SPECC1L: variants seen among roughly 807,000 people sequenced by gnomAD.
The protein encoded by SPECC1L is sperm antigen with calponin homology and coiled-coil domains 1 like, also known as cytospin-A.
SPECC1L carries 40 observed loss-of-function variants against 116.8 expected under a neutral mutation model. That is an observed-to-expected ratio of 0.34 (90% CI 0.27 to 0.45). SPECC1L has a LOEUF of 0.45. SPECC1L is among the 20% of genes least tolerant of loss of function. SPECC1L has a pLI of 1.00. For missense variants in SPECC1L, 1,110 were observed against 1,373.6 expected (o/e 0.81, Z 3.03); for synonymous variants, 504 against 500.6 (o/e 1.01, Z -0.09).
intron 13 of SPECC1L, among the ~76,000 whole-genome samples, chr22:24,367,858 G>T (rs2041801559): frequency 6.6e-6 from 1 of 152,154 alleles, no homozygotes; most frequent in African/African-American, 2.4e-5. Flanking sequence ...CACAGAACAT[G>T]GGACTAGAGT....
intron 2 of SPECC1L, among the ~76,000 whole-genome samples, chr22:24,295,621 GTAGT>G (rs1158068774): frequency 1.3e-5 from 2 of 152,056 alleles, no homozygotes; most frequent in African/African-American, 4.8e-5. Flanking sequence ...AAATAACATG[GTAGT>G]TAGTCCCTTC....
At chr22:24,382,784 G>T (rs1205403814) in intron 14 of SPECC1L, among the ~76,000 whole-genome samples, 1 of 151,884 alleles carries the variant, frequency 6.6e-6, no homozygotes, top group African/African-American at 2.4e-5. Context: ...TACTCAGGAG[G>T]CTGAGGCAGG....
rs577826915 is a variant in SPECC1L at position 24,305,398 on chromosome 22, C to G, written c.153+3014C>G. 2.6e-5 allele frequency among the ~76,000 whole-genome samples: 4 copies of G among 152,258 alleles called. No homozygotes were observed. In the South Asian group the frequency reaches 6.2e-4, roughly 24 times the overall value. ...TTCTAGCACCAGAGATGATTTTTGC[C>G]AGTTTTTGATCTTTACAGGAACGTA... On this transcript the variant is annotated intron_variant, in intron 3 of 16. Transcript: ENST00000314328.
intron 14 of SPECC1L, among the ~76,000 whole-genome samples, chr22:24,372,395 C>T (rs576870769): frequency 6.6e-6 from 1 of 152,246 alleles, no homozygotes; most frequent in East Asian, 1.9e-4. Flanking sequence ...AAAATACTGG[C>T]AAACGAAATC....
At chr22:24,399,625 T>A (rs1484738335) in intron 14 of SPECC1L, among the ~76,000 whole-genome samples, 1 of 152,052 alleles carries the variant, frequency 6.6e-6, no homozygotes, top group African/African-American at 2.4e-5. Flanking sequence ...TACTATAGAT[T>A]TTGTTTTTGT....
At chr22:24,378,684 G>C (rs2042012491) in intron 14 of SPECC1L, among the ~76,000 whole-genome samples, 1 of 152,172 alleles carries the variant, frequency 6.6e-6, no homozygotes, top group Admixed American at 6.5e-5. Flanking sequence ...GAAGCCCAAG[G>C]AGAGGGAGAG....
chr22:24,279,571 A>G (rs1267928220), intron 2 of SPECC1L, among the ~76,000 whole-genome samples: 1 of 116,954 alleles, frequency 8.6e-6, no homozygotes, highest in Non-Finnish European at 1.6e-5. Flanking sequence ...TATTTTTTTA[A>G]TTATTATTAT....
In SPECC1L at chr22:24,363,476, C is replaced by T. The variant is rs1310395246; in HGVS notation, c.2827+132C>T. The T allele has an allele frequency of 1.1e-5, 9 of 799,884 alleles. No individual in the cohort carries two copies. In the Admixed American group the frequency reaches 1.6e-4, roughly 14 times the overall value. 49.5% of individuals were successfully genotyped at this position (799,884 alleles called of 1,614,324 possible). The stretch of plus-strand genomic sequence containing the variant: ...CACTGGCCTCAAGCTGTCCTCTCAC[C>T]TTGGCCTTCCAAAGTGCTGGGATTA... On this transcript the variant is annotated intron_variant, in intron 12 of 16. Transcript: ENST00000314328.
intron 8 of SPECC1L, among the ~76,000 whole-genome samples, chr22:24,331,676 A>G (rs1489734783): frequency 1.3e-5 from 2 of 152,172 alleles, no homozygotes; most frequent in Non-Finnish European, 2.9e-5. Context: ...CTGTGAGGTC[A>G]TACTGTCTTC....
chr22:24,366,382 A>T (rs2041766920), intron 13 of SPECC1L, among the ~76,000 whole-genome samples: 1 of 151,908 alleles, frequency 6.6e-6, no homozygotes, highest in African/African-American at 2.4e-5. Flanking sequence ...TTTAGTAGAG[A>T]TGGGGTTTCA....
chr22:24,280,577 ATTTTTT>A (rs34634285), intron 2 of SPECC1L, among the ~76,000 whole-genome samples: 1 of 128,826 alleles, frequency 7.8e-6, no homozygotes, highest in South Asian at 2.5e-4. Flanking sequence ...TTTCAATAAC[ATTTTTT>A]TTTTTTTTTT....
At position 24,322,126 on chromosome 22, in the gene SPECC1L, G is replaced by A. The variant is rs201419442; in HGVS notation, c.1146G>A (p.Lys382=). ...TCCCCAGCATAGAGCGCTCCCGGAA[G>A]GGGAGCAGCGGGAATGCCAGTGAAG... ...EGIPSIERSR[K]GSSGNASEVS... is the part of the protein sequence containing the mutation. The change falls in exon 5 of 17, where the codon AAG becomes AAA. Residue 382 remains lysine (K), a synonymous_variant. Transcript: ENST00000314328. The A allele has an allele frequency of 1.9e-5, 30 of 1,613,912 alleles. No homozygotes were observed. The highest frequency in any genetic ancestry group is 2.5e-5 in the Non-Finnish European group (29 of 1,180,038).
chr22:24,283,628 T>C (rs1372429082), intron 2 of SPECC1L, among the ~76,000 whole-genome samples: 2 of 152,234 alleles, frequency 1.3e-5, no homozygotes, highest in Non-Finnish European at 1.5e-5. Context: ...TTCTCAGTTT[T>C]CTGGAAGAGT....
intron 11 of SPECC1L, among the ~76,000 whole-genome samples, chr22:24,347,835 T>C (rs2041333160): frequency 6.6e-6 from 1 of 151,872 alleles, no homozygotes; most frequent in Non-Finnish European, 1.5e-5. Flanking sequence ...ACCACCACGC[T>C]CAGATAATTT....
chr22:24,344,779 T>A (rs1448529639), intron 10 of SPECC1L, among the ~76,000 whole-genome samples: 1 of 152,230 alleles, frequency 6.6e-6, no homozygotes, highest in African/African-American at 2.4e-5. Flanking sequence ...TTTTTCTGTA[T>A]ATTAGCATGA....
chr22:24,379,580 G>C (rs924871941), intron 14 of SPECC1L, among the ~76,000 whole-genome samples: 1 of 151,952 alleles, frequency 6.6e-6, no homozygotes, highest in Non-Finnish European at 1.5e-5. Flanking sequence ...CCATTTACTT[G>C]GTACTTAAAA....
intron 14 of SPECC1L, among the ~76,000 whole-genome samples, chr22:24,386,116 CAAA>C (rs34355662): frequency 1.8e-4 from 25 of 135,388 alleles, no homozygotes; most frequent in Non-Finnish European, 2.6e-4. Context: ...TTATTAGTTT[CAAA>C]AAAAAAAAAG....
chr22:24,389,131 T>TTG (rs2042217825), intron 14 of SPECC1L, among the ~76,000 whole-genome samples: 1 of 149,742 alleles, frequency 6.7e-6, no homozygotes, highest in Non-Finnish European at 1.5e-5. Flanking sequence ...TTTTTTTTTT[T>TTG]GGAGACAGAG....
chr22:24,322,545 T>C lies in SPECC1L; in HGVS notation c.1565T>C (p.Met522Thr). The C allele has an allele frequency of 6.2e-7, 1 of 1,614,080 alleles. No homozygotes were observed. Among genetic ancestry groups the C allele is most frequent in the Non-Finnish European group, 8.5e-7 (1 of 1,179,986 alleles). The change falls in exon 5 of 17, where the codon ATG (methionine) becomes ACG (threonine). Residue 522 changes from methionine to threonine, a missense_variant. By Grantham distance (81) the Met-to-Thr change is moderately conservative. Coordinates refer to ENST00000314328, the MANE Select transcript of SPECC1L (RefSeq NM_015330.6). ...VQQHLSNTLK[M>T]AEQDNKEAQE... ...CAGCATTTAAGCAATACTTTGAAAA[T>C]GGCAGAACAAGACAATAAGGAAGCT...
Sources: gnomAD v4.1 joint callset for allele counts (sites outside exome capture counted in the v4.1 genomes callset) on GRCh38, gnomAD v4.1.1 for gene constraint, MANE v1.5 for transcripts, NCBI Gene and HGNC (gene_info 2026-07-23, HGNC 2026-07-21) for gene names.